The following OXNAD1 variants were observed in gnomAD, a reference collection of about 807,000 sequenced individuals.
The protein encoded by OXNAD1 is oxidoreductase NAD binding domain containing 1.
A neutral mutation model predicts 32.9 loss-of-function variants in OXNAD1; 34 were observed. The observed-to-expected ratio is 1.03, with a 90% CI of 0.79 to 1.38. The LOEUF (loss-of-function observed/expected upper bound fraction) is 1.38, where lower values mean the gene tolerates loss of function less well. OXNAD1 is among the 40% of genes most tolerant of loss of function. OXNAD1 has a pLI of 0.00. For synonymous variants in OXNAD1, 134 were observed against 135.2 expected, an observed-to-expected ratio of 0.99 and a Z score of 0.06; for missense variants, 407 against 379.4, an observed-to-expected ratio of 1.07 and a Z score of -0.60.
downstream of OXNAD1, among the ~76,000 whole-genome samples, chr3:16,310,991 CAAAAAAAAAA>C (rs1003070321): frequency 1.7e-5 from 1 of 57,546 alleles, no homozygotes; most frequent in Admixed American, 2.0e-4. Flanking sequence ...ACTCAGTCTC[CAAAAAAAAAA>C]AAAAAAAAAA....
intron 5 of OXNAD1, among the ~76,000 whole-genome samples, chr3:16,294,193 T>TG (rs2066608802): frequency 6.6e-6 from 1 of 151,880 alleles, no homozygotes; most frequent in Admixed American, 6.6e-5. Context: ...CATCTGGACC[T>TG]GAGCCTTTCT....
downstream of OXNAD1, among the ~76,000 whole-genome samples, chr3:16,308,041 T>A (rs2067692537): frequency 1.3e-5 from 2 of 152,222 alleles, no homozygotes; most frequent in Non-Finnish European, 2.9e-5. This position sits in a 1 kb window ranked among gnomAD's most constrained non-coding sequence, Gnocchi z 4.4. Flanking sequence ...GAGCATCTGC[T>A]ATGTGCGGTC....
downstream of OXNAD1, chr3:16,339,960 T>G (rs780563966): frequency 2.0e-5 from 3 of 152,236 alleles, no homozygotes; most frequent in Non-Finnish European, 2.9e-5. Context: ...AGACATGAGT[T>G]TGCCACCAAA....
At chr3:16,341,136 A>T (rs771252886), downstream of OXNAD1, among the ~76,000 whole-genome samples, 2 of 152,240 alleles carry the variant, frequency 1.3e-5, no homozygotes, top group Non-Finnish European at 2.9e-5. The surrounding 1 kb of genome is among the most constrained non-coding windows in gnomAD (Gnocchi z 4.7). Context: ...AATGGCCAAG[A>T]TCCAAAACAC....
chr3:16,290,321 T>C lies in OXNAD1; in HGVS notation c.290+3873T>C, dbSNP rs776952313. Among the ~76,000 whole-genome samples the C allele has an allele frequency of 4.0e-4, 61 of 152,230 alleles. No homozygotes were observed. Among genetic ancestry groups the C allele is most frequent in the Non-Finnish European group, 3.1e-4 (21 of 68,046 alleles). On this transcript the variant is annotated intron_variant, in intron 5 of 8. Transcript: ENST00000285083. The surrounding 1 kb of genome is among the most constrained non-coding windows in gnomAD (Gnocchi z 4.2). ...GGACAGATGTTTTATGAAATATGTA[T>C]TGTGCATATTTTCTTAAATCCATTC... is the stretch of plus-strand genomic sequence containing the variant.
chr3:16,284,447 C>T lies in OXNAD1; in HGVS notation c.184-1895C>T, dbSNP rs1441429784. On this transcript the variant is annotated intron_variant, in intron 4 of 8. Transcript: ENST00000285083. The surrounding 1 kb of genome is among the most constrained non-coding windows in gnomAD (Gnocchi z 4.1). Reference sequence around the variant, plus strand: ...ACACACTTAGGCTAAATGGTATAGCCTATTGTTCCTAGAGGACAAACCTAT... The same window carrying T: ...ACACACTTAGGCTAAATGGTATAGCTTATTGTTCCTAGAGGACAAACCTAT... Among the ~76,000 whole-genome samples, 2 of 152,154 alleles carry T rather than the reference C, an allele frequency of 1.3e-5. No homozygotes were observed. The highest frequency in any genetic ancestry group is 2.9e-5 in the Non-Finnish European group (2 of 68,030).
rs761950255 is a variant in OXNAD1, at chr3:16,316,990, C to T, written c.*30+13398C>T. 2 of 1,614,084 alleles carry T rather than the reference C, an allele frequency of 1.2e-6. No homozygotes were observed. Among genetic ancestry groups the T allele is most frequent in the Non-Finnish European group, 1.7e-6 (2 of 1,180,032 alleles). On this transcript the variant is annotated intron_variant, in intron 9 of 9. Coordinates refer to the OXNAD1 transcript ENST00000435829. This position sits in a 1 kb window ranked among gnomAD's most constrained non-coding sequence, Gnocchi z 4.5. Reference sequence around the variant, plus strand: ...CACCCTCCACACCCACCCCACACAGCAGGCCACCAGGGGACAGCTGTTCTC... The same window carrying T: ...CACCCTCCACACCCACCCCACACAGTAGGCCACCAGGGGACAGCTGTTCTC...
chr3:16,294,456 G>C lies in OXNAD1; in HGVS notation c.291-400G>C, dbSNP rs372322540. On this transcript the variant is annotated intron_variant, in intron 5 of 8. Transcript: ENST00000285083. ...ACTCCTGACCTCAGGGGATCCACCT[G>C]CTTTGGCCTCCCAAAGTGCTGGGAT... Among the ~76,000 whole-genome samples, 9 of 152,328 alleles carry C rather than the reference G, an allele frequency of 5.9e-5. No homozygotes were observed. The South Asian group carries it at 6.2e-4, about 11-fold the overall frequency.
At position 16,320,318 on chromosome 3, in the gene OXNAD1, T is replaced by A. The variant is rs565625067; in HGVS notation, c.*30+16726T>A. 6.6e-6 allele frequency among the ~76,000 whole-genome samples: 1 copy of A among 152,318 alleles called. No homozygotes were observed. The highest frequency in any genetic ancestry group is 1.9e-4 in the East Asian group (1 of 5,186). On this transcript the variant is annotated intron_variant, in intron 9 of 9. Coordinates refer to the OXNAD1 transcript ENST00000435829. The surrounding 1 kb of genome is among the most constrained non-coding windows in gnomAD (Gnocchi z 4.5). ...AGTCCTGATTAGAAAAATCTATCCATGTTGCTGATTAAAAGAAGACTAAAT... is the reference window on the plus strand; with the variant it reads ...AGTCCTGATTAGAAAAATCTATCCAAGTTGCTGATTAAAAGAAGACTAAAT...
chr3:16,345,264 T>TTTTGTGTGTG lies in OXNAD1; in HGVS notation c.*31-3911_*31-3910insTTGTGTGTGT, dbSNP rs1491581919. The TTTTGTGTGTG allele has an allele frequency of 6.9e-6, 1 of 145,838 alleles. No individual in the cohort carries two copies. The highest frequency in any genetic ancestry group is 1.5e-5 in the Non-Finnish European group (1 of 66,982). The allele number at this position is 145,838 out of a possible 1,614,324, so 9.0% of individuals were successfully genotyped here. A position where few individuals can be genotyped will look rare whatever the true frequency, so the allele number is the denominator to read the frequency against. On this transcript the variant is annotated intron_variant, in intron 9 of 9. Coordinates refer to the OXNAD1 transcript ENST00000606098. The surrounding 1 kb of genome is among the most constrained non-coding windows in gnomAD (Gnocchi z 5.2). Reference sequence around the variant, plus strand: ...AAACTGTAAGATAATAAGTAGGTGGTTGTGTGTGTGTGTGTGTGTGTGTGT... The same window carrying TTTTGTGTGTG: ...AAACTGTAAGATAATAAGTAGGTGGTTTTGTGTGTGTGTGTGTGTGTGTGTGTGTGTGTGT...
At chr3:16,347,624 AC>A (rs2071819732) in intron 9 of OXNAD1, 1 of 152,196 alleles carries the variant, frequency 6.6e-6, no homozygotes, top group Non-Finnish European at 1.5e-5. Context: ...CTCTGTGTGC[AC>A]ACTCACCTCT....
In OXNAD1 at chr3:16,277,141, C is replaced by T. The variant is rs1239670978; in HGVS notation, c.183+5419C>T. On this transcript the variant is annotated intron_variant, in intron 4 of 8. Coordinates refer to ENST00000285083, the MANE Select transcript of OXNAD1 (RefSeq NM_138381.5). The surrounding 1 kb of genome is among the most constrained non-coding windows in gnomAD (Gnocchi z 4.3). Reference sequence around the variant, plus strand: ...ACGGGGTTTCACTGTGTTGGCCAGGCTTGTCTTGAACTCCTGACCTCATGA... The same window carrying T: ...ACGGGGTTTCACTGTGTTGGCCAGGTTTGTCTTGAACTCCTGACCTCATGA... Among the ~76,000 whole-genome samples the T allele has an allele frequency of 6.6e-6, 1 of 151,918 alleles. No individual in the cohort carries two copies. Among genetic ancestry groups the T allele is most frequent in the Admixed American group, 6.6e-5 (1 of 15,232 alleles).
chr3:16,271,095 C>T lies in OXNAD1; in HGVS notation c.119+24C>T, dbSNP rs1197634106. 2.5e-6 allele frequency: 4 copies of T among 1,609,842 alleles called. No individual in the cohort carries two copies. The highest frequency in any genetic ancestry group is 2.2e-5 in the South Asian group (2 of 90,472). The stretch of plus-strand genomic sequence containing the variant: ...AGGTGAGTCATTAAGACTTCTGTGT[C>T]ATTTGAAGTTAATTTTCAAAGAGAC... On this transcript the variant is annotated intron_variant, in intron 3 of 8. Transcript: ENST00000285083. This position sits in a 1 kb window ranked among gnomAD's most constrained non-coding sequence, Gnocchi z 4.6.
chr3:16,348,488 C>G lies in OXNAD1; in HGVS notation c.*31-688C>G, dbSNP rs889551876. Among the ~76,000 whole-genome samples the G allele has an allele frequency of 2.6e-5, 4 of 152,150 alleles. No individual in the cohort carries two copies. Among genetic ancestry groups the G allele is most frequent in the African/African-American group, 9.7e-5 (4 of 41,444 alleles). On this transcript the variant is annotated intron_variant, in intron 9 of 9. Coordinates refer to the OXNAD1 transcript ENST00000606098. This position sits in a 1 kb window ranked among gnomAD's most constrained non-coding sequence, Gnocchi z 6.3. ...AAGTCCTGGCTTGACTTGCCAATACCCAGCTGGAGCCCACTGTGTCCAGGA... is the reference window on the plus strand; with the variant it reads ...AAGTCCTGGCTTGACTTGCCAATACGCAGCTGGAGCCCACTGTGTCCAGGA...
chr3:16,337,972 G>C (rs535397171), downstream of OXNAD1, among the ~76,000 whole-genome samples: 221 of 152,240 alleles, frequency 1.5e-3, 1 homozygote, highest in African/African-American at 4.9e-3. The surrounding 1 kb of genome is among the most constrained non-coding windows in gnomAD (Gnocchi z 5.0). Flanking sequence ...AGCTTGCCCT[G>C]GAAGAGAGAG....
Position 16,316,785 on chromosome 3 carries a change from G to C in OXNAD1, c.*30+13193G>C, listed in dbSNP as rs1349101660. 3.4e-5 allele frequency: 55 copies of C among 1,610,060 alleles called. No homozygotes were observed. Among genetic ancestry groups the C allele is most frequent in the Non-Finnish European group, 4.1e-5 (48 of 1,177,904 alleles). On this transcript the variant is annotated intron_variant, in intron 9 of 9. Coordinates refer to the OXNAD1 transcript ENST00000435829. This position sits in a 1 kb window ranked among gnomAD's most constrained non-coding sequence, Gnocchi z 4.5. ...AAACCAGCTGTTGGTAAGATGCCTT[G>C]GGTTTGGCAACTCACCTAGTTTTAG... is the stretch of plus-strand genomic sequence containing the variant.
intron 4 of OXNAD1, among the ~76,000 whole-genome samples, chr3:16,285,012 A>T (rs1449276274): frequency 6.6e-6 from 1 of 152,222 alleles, no homozygotes; most frequent in Admixed American, 6.5e-5. Flanking sequence ...CTGAGAGAGT[A>T]GGCAGGACTA....
rs934235028 is a variant in OXNAD1, at chr3:16,304,373, A to G, written c.*811A>G. 1.3e-5 allele frequency: 2 copies of G among 152,242 alleles called. No homozygotes were observed. Among genetic ancestry groups the G allele is most frequent in the African/African-American group, 4.8e-5 (2 of 41,472 alleles). 9.4% of individuals were successfully genotyped at this position (152,242 alleles called of 1,614,324 possible). On this transcript the variant is annotated 3_prime_UTR_variant, in exon 9 of 9. Coordinates refer to ENST00000285083, the MANE Select transcript of OXNAD1 (RefSeq NM_138381.5). This position sits in a 1 kb window ranked among gnomAD's most constrained non-coding sequence, Gnocchi z 4.6. ...GATTAGGGGGTAGAGAGCTGTTTCT[A>G]AATCCTGCTTTTCTACTTTTTATTT...
rs2066344708 is a variant in OXNAD1 at position 16,290,283 on chromosome 3, A to G, written c.290+3835A>G. On this transcript the variant is annotated intron_variant, in intron 5 of 8. Transcript: ENST00000285083. This position sits in a 1 kb window ranked among gnomAD's most constrained non-coding sequence, Gnocchi z 4.2. ...ATTTTTAAAGGTGTGTGTTTAAGGT[A>G]TAATTCTTTCTTGGACAGATGTTTT... Among the ~76,000 whole-genome samples the G allele has an allele frequency of 6.6e-6, 1 of 152,228 alleles. No individual in the cohort carries two copies. The highest frequency in any genetic ancestry group is 2.4e-5 in the African/African-American group (1 of 41,472).
Sources: allele counts gnomAD v4.1 joint callset (sites outside exome capture counted in the v4.1 genomes callset), GRCh38; gene constraint gnomAD v4.1.1; non-coding constraint Gnocchi (gnomAD v3.1); transcripts MANE v1.5; gene names NCBI Gene and HGNC (gene_info 2026-07-23, HGNC 2026-07-21).